The following SSU72 variants were observed in gnomAD, a reference collection of about 807,000 sequenced individuals.
SSU72 encodes the protein SSU72 homolog, RNA polymerase II CTD phosphatase, also known as RNA polymerase II subunit A C-terminal domain phosphatase SSU72.
In SSU72, 12 loss-of-function variants were observed where a neutral mutation model predicts 22.7. The observed-to-expected ratio is 0.53, with a 90% CI of 0.34 to 0.86. SSU72 has a LOEUF of 0.86. Among genes scored for constraint, SSU72 ranks in the 40% least tolerant of loss-of-function variants. The pLI is 0.02. For missense variants in SSU72, 151 were observed against 249.8 expected (o/e 0.60, Z 2.67); for synonymous variants, 116 against 98.3 (o/e 1.18, Z -1.06).
At chr1:1,564,326 T>C (rs1642631674) in intron 2 of SSU72, 2 of 698,792 alleles carry the variant, frequency 2.9e-6, no homozygotes, top group Non-Finnish European at 2.3e-6. Flanking sequence ...CCCTCTTCTT[T>C]ATCTGACCTT....
At chr1:1,564,960 A>G (rs768225485) in intron 1 of SSU72, 44 bp from the exon 2 acceptor site, 2 of 1,540,672 alleles carry the variant, frequency 1.3e-6, no homozygotes, top group African/African-American at 1.4e-5. Context: ...ACACTAAGAC[A>G]CAAAATTCCA....
Position 1,541,968 on chromosome 1 carries a change from C to T in SSU72, c.*98G>A, listed in dbSNP as rs1174768554. On this transcript the variant is annotated 3_prime_UTR_variant, in exon 5 of 5. Coordinates refer to ENST00000291386, the MANE Select transcript of SSU72 (RefSeq NM_014188.3). ...GCACAGTTTATTTGGGTAATGCTAC[C>T]GTCACCAGCAGAACACCTGTAAGTA... The T allele has an allele frequency of 3.5e-6, 4 of 1,158,434 alleles. No individual in the cohort carries two copies. The highest frequency in any genetic ancestry group is 1.9e-4 in the Middle Eastern group (1 of 5,156). The allele number at this position is 1,158,434 out of a possible 1,614,324, so 71.8% of individuals were successfully genotyped here.
intron 2 of SSU72, among the ~76,000 whole-genome samples, chr1:1,550,975 AC>A (rs1189130440): frequency 1.3e-5 from 2 of 150,422 alleles, no homozygotes; most frequent in Admixed American, 6.6e-5. Flanking sequence ...GGACACATCC[AC>A]CCCCCAGAAA....
intron 2 of SSU72, among the ~76,000 whole-genome samples, chr1:1,555,545 G>A (rs1478013253): frequency 6.6e-6 from 1 of 152,228 alleles, no homozygotes; most frequent in African/African-American, 2.4e-5. Flanking sequence ...CACAAGCGTG[G>A]ACGGCAGCTC....
At chr1:1,549,770 C>A (rs904377401) in intron 2 of SSU72, among the ~76,000 whole-genome samples, 2 of 151,928 alleles carry the variant, frequency 1.3e-5, no homozygotes, top group African/African-American at 2.4e-5. Flanking sequence ...GTCAGGAGAT[C>A]GAGACCATCC....
intron 2 of SSU72, chr1:1,545,247 G>A (rs1414415789): frequency 6.1e-6 from 3 of 491,538 alleles, no homozygotes; most frequent in Non-Finnish European, 1.1e-5. Flanking sequence ...TCGGCAAAAA[G>A]ACCCAAGGCC....
intron 1 of SSU72, among the ~76,000 whole-genome samples, chr1:1,566,013 T>C (rs1334430161): frequency 6.6e-6 from 1 of 152,042 alleles, no homozygotes; most frequent in Non-Finnish European, 1.5e-5. Flanking sequence ...TCCAGGCACT[T>C]TGGGAGGCCG....
At chr1:1,549,542 A>G (rs61594194) in intron 2 of SSU72, among the ~76,000 whole-genome samples, 7,758 of 150,918 alleles carry the variant, frequency 0.051, 367 homozygotes, top group Admixed American at 0.17. Flanking sequence ...AAAGAAAAAG[A>G]AAAAAAAAGG....
intron 2 of SSU72, 47 bp downstream of exon 2, chr1:1,564,726 A>G: frequency 1.2e-6 from 2 of 1,614,226 alleles, no homozygotes; most frequent in East Asian, 2.2e-5. Flanking sequence ...AACACCTTCC[A>G]GGGAGGACCA....
chr1:1,574,623 G>C lies in SSU72; in HGVS notation c.-66C>G. 1.4e-6 allele frequency: 2 copies of C among 1,472,986 alleles called. No homozygotes were observed. Among genetic ancestry groups the C allele is most frequent in the Non-Finnish European group, 1.8e-6 (2 of 1,098,670 alleles). The allele number at this position is 1,472,986 out of a possible 1,614,324, so 91.2% of individuals were successfully genotyped here. ...CCACCCTACCGCGGCGCTTCCGCGC[G>C]AACAAAATGGCGGCCGCGGTGGCCG... is the stretch of plus-strand genomic sequence containing the variant. On this transcript the variant is annotated 5_prime_UTR_variant, in exon 1 of 5. Coordinates refer to ENST00000291386, the MANE Select transcript of SSU72 (RefSeq NM_014188.3).
chr1:1,559,783 A>G (rs1327298722), intron 2 of SSU72, among the ~76,000 whole-genome samples: 1 of 152,022 alleles, frequency 6.6e-6, no homozygotes, highest in African/African-American at 2.4e-5. Flanking sequence ...CTGGAGTGCA[A>G]TGGTGCAACT....
chr1:1,548,229 C>T (rs1430595727), intron 2 of SSU72, among the ~76,000 whole-genome samples: 1 of 152,206 alleles, frequency 6.6e-6, no homozygotes, highest in Non-Finnish European at 1.5e-5. Context: ...AACAGAGGCA[C>T]ACAGGAGCCT....
At chr1:1,551,380 G>A (rs1201583670) in intron 2 of SSU72, among the ~76,000 whole-genome samples, 3 of 152,270 alleles carry the variant, frequency 2.0e-5, no homozygotes, top group African/African-American at 7.2e-5. Flanking sequence ...AACAGCAGCA[G>A]GGTGAGCCCC....
chr1:1,573,735 G>A (rs1346534108), intron 1 of SSU72, among the ~76,000 whole-genome samples: 1 of 152,164 alleles, frequency 6.6e-6, no homozygotes, highest in Non-Finnish European at 1.5e-5. Flanking sequence ...TAAAGTTCAC[G>A]TAGGTAACTT....
At chr1:1,556,397 G>A (rs988088753) in intron 2 of SSU72, among the ~76,000 whole-genome samples, 2 of 152,018 alleles carry the variant, frequency 1.3e-5, no homozygotes, top group Admixed American at 6.6e-5. Context: ...AAAATTAGCC[G>A]GACGTGGTGG....
Position 1,574,674 on chromosome 1 carries a change from G to T in SSU72, c.-117C>A. On this transcript the variant is annotated 5_prime_UTR_variant, in exon 1 of 5. Coordinates refer to ENST00000291386, the MANE Select transcript of SSU72 (RefSeq NM_014188.3). The stretch of plus-strand genomic sequence containing the variant: ...GAAGCGGGCGACGCGAAACGACGGC[G>T]CCGGCGGTGTAGCGTGCGGCGACTG... 2.7e-6 allele frequency: 3 copies of T among 1,098,256 alleles called. No individual in the cohort carries two copies. The highest frequency in any genetic ancestry group is 3.8e-6 in the Non-Finnish European group (3 of 796,848). 68.0% of individuals were successfully genotyped at this position (1,098,256 alleles called of 1,614,324 possible).
Position 1,542,341 on chromosome 1 carries a change from G to C in SSU72, c.484-174C>G, listed in dbSNP as rs1489454219. 1.3e-5 allele frequency among the ~76,000 whole-genome samples: 2 copies of C among 152,156 alleles called. No homozygotes were observed. Among genetic ancestry groups the C allele is most frequent in the Non-Finnish European group, 2.9e-5 (2 of 68,030 alleles). On this transcript the variant is annotated intron_variant, in intron 4 of 4. Coordinates refer to ENST00000291386, the MANE Select transcript of SSU72 (RefSeq NM_014188.3). This position sits in a 1 kb window ranked among gnomAD's most constrained non-coding sequence, Gnocchi z 4.4. ...GACGGCCGGAGGCTGCAGGGGGAGA[G>C]CGTCCCGGGCAGCCCCCACCTCCCC...
rs1642499352 is a variant in SSU72, at chr1:1,554,744, G to C, written c.225-9742C>G. ...CTCTCCCACCACGGCCTGGGAAAAAGCCATGTCAGGTGCAGCACGCTGGCC... is the reference window on the plus strand; with the variant it reads ...CTCTCCCACCACGGCCTGGGAAAAACCCATGTCAGGTGCAGCACGCTGGCC... On this transcript the variant is annotated intron_variant, in intron 2 of 4. Coordinates refer to ENST00000291386, the MANE Select transcript of SSU72 (RefSeq NM_014188.3). The surrounding 1 kb of genome is among the most constrained non-coding windows in gnomAD (Gnocchi z 4.1). Among the ~76,000 whole-genome samples the C allele has an allele frequency of 6.6e-6, 1 of 152,098 alleles. No individual in the cohort carries two copies. The highest frequency in any genetic ancestry group is 2.1e-4 in the South Asian group (1 of 4,824).
At chr1:1,550,451 G>A (rs1642443236) in intron 2 of SSU72, among the ~76,000 whole-genome samples, 1 of 152,200 alleles carries the variant, frequency 6.6e-6, no homozygotes, top group Non-Finnish European at 1.5e-5. Flanking sequence ...GACTTTCCTG[G>A]CTAAGCCTAA....
Sources: allele counts gnomAD v4.1 joint callset (sites outside exome capture counted in the v4.1 genomes callset), GRCh38; gene constraint gnomAD v4.1.1; non-coding constraint Gnocchi (gnomAD v3.1); transcripts MANE v1.5; gene names NCBI Gene and HGNC (gene_info 2026-07-23, HGNC 2026-07-21).